The following TTLL11 variants were observed in gnomAD, a reference collection of about 807,000 sequenced individuals.
TTLL11 encodes tubulin polyglutamylase TTLL11.
In TTLL11, 42 loss-of-function variants were observed where a neutral mutation model predicts 51.7. That is an observed-to-expected ratio of 0.81 (90% CI 0.64 to 1.05). TTLL11 has a LOEUF of 1.05. Among genes scored for constraint, TTLL11 ranks in the 50% least tolerant of loss-of-function variants. The probability of loss-of-function intolerance (pLI) is 0.00; values close to 1 mark genes in which losing one functional copy is unlikely to be tolerated. For synonymous variants in TTLL11, 381 were observed against 383.5 expected (o/e 0.99, Z 0.08); for missense variants, 799 against 940.4 (o/e 0.85, Z 1.97).
At chr9:122,021,900 TGA>T (rs1173427643) in intron 3 of TTLL11, among the ~76,000 whole-genome samples, 1 of 152,202 alleles carries the variant, frequency 6.6e-6, no homozygotes, top group African/African-American at 2.4e-5. Flanking sequence ...AGTGACATTA[TGA>T]GAGTGATTAT....
chr9:122,072,723 C>T (rs1052656880), intron 1 of TTLL11, among the ~76,000 whole-genome samples: 1 of 152,084 alleles, frequency 6.6e-6, no homozygotes, highest in Non-Finnish European at 1.5e-5. Context: ...TGAGCCCCTG[C>T]CCCCTGCTAC....
At chr9:122,016,992 A>C (rs139798338) in intron 3 of TTLL11, among the ~76,000 whole-genome samples, 4 of 152,312 alleles carry the variant, frequency 2.6e-5, no homozygotes, top group African/African-American at 9.6e-5. Context: ...GCCTGGTGCC[A>C]CCTGCTGATC....
chr9:121,965,004 C>T (rs1291860459), intron 6 of TTLL11, among the ~76,000 whole-genome samples: 1 of 152,146 alleles, frequency 6.6e-6, no homozygotes, highest in Admixed American at 6.5e-5. Context: ...GCAGTCTTCC[C>T]CTGACACACA....
chr9:122,089,785 T>C (rs1846212902), intron 1 of TTLL11, among the ~76,000 whole-genome samples: 1 of 152,144 alleles, frequency 6.6e-6, no homozygotes, highest in Non-Finnish European at 1.5e-5. Flanking sequence ...AATTGTTTTT[T>C]TAATTTTCAA....
At chr9:122,081,564 T>C (rs2131920010) in intron 1 of TTLL11, among the ~76,000 whole-genome samples, 1 of 152,342 alleles carries the variant, frequency 6.6e-6, no homozygotes, top group Middle Eastern at 3.4e-3. Context: ...GAAAGTTTCA[T>C]ATAAAATATC....
intron 8 of TTLL11, among the ~76,000 whole-genome samples, chr9:121,834,291 T>C (rs1837114378): frequency 6.6e-6 from 1 of 152,160 alleles, no homozygotes; most frequent in Non-Finnish European, 1.5e-5. Flanking sequence ...CTCGAAGGAC[T>C]CTACACATGG....
chr9:122,062,224 G>A (rs1303951581), intron 1 of TTLL11, among the ~76,000 whole-genome samples: 2 of 152,090 alleles, frequency 1.3e-5, no homozygotes, highest in Admixed American at 6.5e-5. Flanking sequence ...ACTGATCAGA[G>A]GAGGCTGTTG....
At chr9:121,945,333 T>C (rs1248138756) in intron 6 of TTLL11, among the ~76,000 whole-genome samples, 1 of 152,238 alleles carries the variant, frequency 6.6e-6, no homozygotes. Flanking sequence ...CCTGCCAGGA[T>C]GGGCTGTGAA....
At chr9:121,851,411 T>C (rs777664899) in intron 8 of TTLL11, among the ~76,000 whole-genome samples, 19 of 152,222 alleles carry the variant, frequency 1.2e-4, no homozygotes, top group Non-Finnish European at 2.4e-4. Context: ...ACTGTGTGCA[T>C]GGGAATGGGA....
At chr9:121,934,784 T>C (rs1173029444) in intron 6 of TTLL11, among the ~76,000 whole-genome samples, 1 of 152,180 alleles carries the variant, frequency 6.6e-6, no homozygotes, top group Non-Finnish European at 1.5e-5. Flanking sequence ...ATCCAGAATA[T>C]TAAAAAGAAG....
intron 4 of TTLL11, chr9:121,988,883 A>G: frequency 2.0e-6 from 1 of 502,966 alleles, no homozygotes; most frequent in Middle Eastern, 5.2e-4. Context: ...TGAATGAATG[A>G]GTAAACGAAT....
At chr9:122,074,265 C>T (rs1288380964) in intron 1 of TTLL11, among the ~76,000 whole-genome samples, 1 of 146,550 alleles carries the variant, frequency 6.8e-6, no homozygotes, top group Non-Finnish European at 1.5e-5. Context: ...CAGAGCAAGG[C>T]TTCATCTCAA....
intron 1 of TTLL11, among the ~76,000 whole-genome samples, chr9:122,088,980 G>A (rs893001400): frequency 3.6e-5 from 5 of 138,702 alleles, no homozygotes; most frequent in African/African-American, 8.5e-5. Context: ...TAGCACCACT[G>A]CACTCCAGCC....
At chr9:121,916,593 A>T (rs1327094253) in intron 6 of TTLL11, among the ~76,000 whole-genome samples, 2 of 152,216 alleles carry the variant, frequency 1.3e-5, no homozygotes, top group Non-Finnish European at 2.9e-5. Flanking sequence ...AAAAGGAAAA[A>T]TTCATTTTGA....
At chr9:121,862,107 A>C (rs1838029590) in intron 7 of TTLL11, among the ~76,000 whole-genome samples, 1 of 151,174 alleles carries the variant, frequency 6.6e-6, no homozygotes, top group African/African-American at 2.4e-5. Flanking sequence ...TTTCAGTCTG[A>C]TGTCAGCATT....
At chr9:121,930,835 G>A (rs950840121) in intron 6 of TTLL11, among the ~76,000 whole-genome samples, 29 of 152,176 alleles carry the variant, frequency 1.9e-4, no homozygotes, top group Non-Finnish European at 4.1e-4. Context: ...AAATTTCCTC[G>A]CGCTGAGTTT....
At chr9:121,953,289 G>C (rs1425058999) in intron 6 of TTLL11, among the ~76,000 whole-genome samples, 2 of 152,108 alleles carry the variant, frequency 1.3e-5, no homozygotes, top group Non-Finnish European at 2.9e-5. Context: ...ATCTTTGTCT[G>C]GGGTACTATA....
At chr9:122,062,147 G>A (rs1845453610) in intron 1 of TTLL11, among the ~76,000 whole-genome samples, 2 of 152,188 alleles carry the variant, frequency 1.3e-5, no homozygotes, top group South Asian at 4.2e-4. Context: ...CCAATCTCAT[G>A]GGCACTTTGT....
chr9:122,029,833 G>A (rs1266335336), intron 3 of TTLL11, among the ~76,000 whole-genome samples: 8 of 152,208 alleles, frequency 5.3e-5, no homozygotes, highest in African/African-American at 1.9e-4. Context: ...TTCTAGTCCT[G>A]CAAGCTCCAT....
Sources: gnomAD v4.1 joint callset for allele counts (sites outside exome capture counted in the v4.1 genomes callset) on GRCh38, gnomAD v4.1.1 for gene constraint, MANE v1.5 for transcripts, NCBI Gene and HGNC (gene_info 2026-07-23, HGNC 2026-07-21) for gene names.